The following RNF216 variants were observed in gnomAD, a reference collection of about 807,000 sequenced individuals.
RNF216 encodes the protein ring finger protein 216.
RNF216 carries 72 observed loss-of-function variants against 110.8 expected under a neutral mutation model. The observed-to-expected ratio is 0.65, with a 90% CI of 0.54 to 0.79. The LOEUF is 0.79. Among genes scored for constraint, RNF216 ranks in the 30% least tolerant of loss-of-function variants. RNF216 has a pLI of 0.00. For missense variants in RNF216, 1,342 were observed against 1,141.2 expected (o/e 1.18, Z -2.54); for synonymous variants, 495 against 407.5 (o/e 1.21, Z -2.59).
chr7:5,710,790 C>T (rs980847394), intron 13 of RNF216, among the ~76,000 whole-genome samples: 2 of 152,246 alleles, frequency 1.3e-5, no homozygotes, highest in Middle Eastern at 3.4e-3. Context: ...TGCATCTTAG[C>T]GTAGGCATCA....
chr7:5,769,302 G>C (rs935818248), intron 1 of RNF216, among the ~76,000 whole-genome samples: 24 of 152,038 alleles, frequency 1.6e-4, no homozygotes. Flanking sequence ...ATTTTTAGTA[G>C]AGAAGGGGTT....
At chr7:5,752,390 A>G (rs906863669) in intron 3 of RNF216, among the ~76,000 whole-genome samples, 2 of 152,316 alleles carry the variant, frequency 1.3e-5, no homozygotes, top group Middle Eastern at 3.4e-3. Context: ...GTAGTATCAT[A>G]AAAATTGCTC....
intron 13 of RNF216, among the ~76,000 whole-genome samples, chr7:5,705,969 C>G (rs1394741793): frequency 7.0e-6 from 1 of 143,522 alleles, no homozygotes; most frequent in Non-Finnish European, 1.5e-5. Context: ...AAACAAAACA[C>G]CACTCTGGGA....
chr7:5,724,904 G>C (rs536438920), intron 8 of RNF216, among the ~76,000 whole-genome samples: 1 of 152,266 alleles, frequency 6.6e-6, no homozygotes, highest in South Asian at 2.1e-4. Context: ...CAGAATTTTG[G>C]AGAAACGTGG....
At chr7:5,678,663 T>C (rs1181493115) in intron 13 of RNF216, among the ~76,000 whole-genome samples, 1 of 152,254 alleles carries the variant, frequency 6.6e-6, no homozygotes, top group Non-Finnish European at 1.5e-5. Flanking sequence ...TGCTCTGCCA[T>C]GGCTCCAGTC....
chr7:5,691,134 C>T (rs1344333622), intron 13 of RNF216, among the ~76,000 whole-genome samples: 4 of 152,202 alleles, frequency 2.6e-5, no homozygotes, highest in South Asian at 2.1e-4. Context: ...TTTCTCTAAC[C>T]GTGTGTGTAG....
chr7:5,754,909 TC>T (rs1371343171), intron 2 of RNF216, among the ~76,000 whole-genome samples: 1 of 151,662 alleles, frequency 6.6e-6, no homozygotes, highest in Non-Finnish European at 1.5e-5. Flanking sequence ...GCAACTGTAA[TC>T]CCAGCTACCT....
Position 5,622,897 on chromosome 7 carries a change from G to T in RNF216, c.2735C>A (p.Pro912His). The change falls in exon 17 of 17, where the codon CCC (proline) becomes CAC (histidine). Residue 912 changes from proline to histidine, a missense_variant. Coordinates refer to ENST00000389902, the MANE Select transcript of RNF216 (RefSeq NM_207111.4). ...CCGCGGCTGGGGGCCAAAGTGCATG[G>T]GCAGGTTGTGCTCCAGGGGCATGTG... The part of the protein sequence containing the change: ...PIHMPLEHNL[P>H]MHFGPQPRHR... 3 of 1,611,782 alleles carry T rather than the reference G, an allele frequency of 1.9e-6. No homozygotes were observed. The highest frequency in any genetic ancestry group is 2.5e-6 in the Non-Finnish European group (3 of 1,178,602).
chr7:5,632,125 C>G (rs897737721), intron 15 of RNF216, among the ~76,000 whole-genome samples: 4 of 152,230 alleles, frequency 2.6e-5, no homozygotes, highest in Non-Finnish European at 4.4e-5. Flanking sequence ...TCACCCTGGA[C>G]AGCGGTCTAT....
intron 3 of RNF216, among the ~76,000 whole-genome samples, chr7:5,750,418 G>A (rs962988032): frequency 6.6e-6 from 1 of 152,184 alleles, no homozygotes; most frequent in Admixed American, 6.5e-5. Flanking sequence ...CAGGCAAACT[G>A]GTCTTACTGT....
At chr7:5,724,466 T>G (rs1793630279) in intron 8 of RNF216, among the ~76,000 whole-genome samples, 1 of 152,220 alleles carries the variant, frequency 6.6e-6, no homozygotes, top group Non-Finnish European at 1.5e-5. Flanking sequence ...TGTTCTGAAC[T>G]CTGGCTAAAT....
chr7:5,637,322 T>G (rs930145691), intron 15 of RNF216, among the ~76,000 whole-genome samples: 4 of 152,194 alleles, frequency 2.6e-5, no homozygotes, highest in African/African-American at 9.7e-5. Flanking sequence ...ACAAAAAGCC[T>G]CCTTTTCTTC....
chr7:5,651,562 T>C (rs187507399), intron 14 of RNF216, among the ~76,000 whole-genome samples: 21 of 152,164 alleles, frequency 1.4e-4, no homozygotes, highest in East Asian at 5.8e-4. Context: ...CGTCAGGAGA[T>C]AGATATGCAC....
intron 9 of RNF216, among the ~76,000 whole-genome samples, chr7:5,718,166 A>G (rs1215182448): frequency 6.6e-6 from 1 of 152,116 alleles, no homozygotes; most frequent in Non-Finnish European, 1.5e-5. Flanking sequence ...GGATTGCTTA[A>G]GGTCAGGAGT....
At chr7:5,662,741 G>A (rs186444906) in intron 13 of RNF216, among the ~76,000 whole-genome samples, 4 of 152,146 alleles carry the variant, frequency 2.6e-5, no homozygotes, top group Admixed American at 2.0e-4. Context: ...TGTATACTCT[G>A]AGGAAGATGG....
At chr7:5,736,463 C>T (rs1405396213) in intron 5 of RNF216, among the ~76,000 whole-genome samples, 1 of 152,216 alleles carries the variant, frequency 6.6e-6, no homozygotes, top group Non-Finnish European at 1.5e-5. Flanking sequence ...GCGATCTCGG[C>T]TCGCTACAAC....
intron 15 of RNF216, among the ~76,000 whole-genome samples, chr7:5,632,727 A>C (rs1318766276): frequency 6.6e-6 from 1 of 152,096 alleles, no homozygotes; most frequent in Non-Finnish European, 1.5e-5. Context: ...CAGTGAGCCA[A>C]GATCACGCGA....
chr7:5,695,998 G>C (rs892520668), intron 13 of RNF216, among the ~76,000 whole-genome samples: 1 of 152,188 alleles, frequency 6.6e-6, no homozygotes, highest in Non-Finnish European at 1.5e-5. Flanking sequence ...GGACTAGGCT[G>C]GGAAGGGAGG....
chr7:5,641,522 A>G, intron 14 of RNF216, 146 bp from the exon 15 acceptor site: 1 of 682,336 alleles, frequency 1.5e-6, no homozygotes, highest in Non-Finnish European at 2.4e-6. Flanking sequence ...TAGGTTTTGG[A>G]GTCTGAGAAC....
Sources: gnomAD v4.1 joint callset for allele counts (sites outside exome capture counted in the v4.1 genomes callset) on GRCh38, gnomAD v4.1.1 for gene constraint, MANE v1.5 for transcripts, NCBI Gene and HGNC (gene_info 2026-07-23, HGNC 2026-07-21) for gene names.